The following USP3 variants were observed in gnomAD, a reference collection of about 807,000 sequenced individuals.
USP3 encodes the protein ubiquitin carboxyl-terminal hydrolase 3.
In USP3, 20 loss-of-function variants were observed where a neutral mutation model predicts 72.3. The ratio of observed to expected loss-of-function variants is 0.28; its 90% CI spans 0.19 to 0.40. The LOEUF is 0.40. USP3 is among the 10% of genes least tolerant of loss of function. The pLI, the probability that USP3 is intolerant of heterozygous loss-of-function variation, is 1.00. For missense variants in USP3, 479 were observed against 633.9 expected (o/e 0.76, Z 2.62); for synonymous variants, 222 against 225.3 (o/e 0.99, Z 0.13).
chr15:63,538,198 C>T (rs955950685), intron 3 of USP3, among the ~76,000 whole-genome samples: 7 of 152,104 alleles, frequency 4.6e-5, no homozygotes, highest in Non-Finnish European at 1.0e-4. Context: ...GCAGTTTTAA[C>T]TTTGGTGTGA....
At chr15:63,575,515 T>C (rs1237538518) in intron 11 of USP3, among the ~76,000 whole-genome samples, 4 of 152,154 alleles carry the variant, frequency 2.6e-5, no homozygotes, top group Non-Finnish European at 5.9e-5. Context: ...TCAGATGATA[T>C]GTGGGATGAC....
At chr15:63,527,655 CTTTTG>C (rs2066004190) in intron 1 of USP3, among the ~76,000 whole-genome samples, 1 of 152,284 alleles carries the variant, frequency 6.6e-6, no homozygotes, top group Admixed American at 6.5e-5. Context: ...TGTGGATGTG[CTTTTG>C]TTTTAAGAAC....
At chr15:63,557,781 A>G (rs1309595255) in intron 5 of USP3, among the ~76,000 whole-genome samples, 1 of 152,236 alleles carries the variant, frequency 6.6e-6, no homozygotes, top group Non-Finnish European at 1.5e-5. Context: ...AATCTTAAAA[A>G]GGCATTAAGT....
chr15:63,558,524 A>AT (rs2066549338), intron 6 of USP3, among the ~76,000 whole-genome samples: 1 of 151,990 alleles, frequency 6.6e-6, no homozygotes, highest in African/African-American at 2.4e-5. Flanking sequence ...ACATTTTAGT[A>AT]TTTCAGGCTA....
Position 63,593,374 on chromosome 15 carries a change from A to C in USP3, c.*2548A>C, listed in dbSNP as rs2067238570. On this transcript the variant is annotated 3_prime_UTR_variant, in exon 15 of 15. Transcript: ENST00000380324. ...CCGGGCTCTTTTGCTTAGAAGGTAG[A>C]CAGCTGTAACCTCTAACATTGATAC... 1 of 152,198 alleles carries C rather than the reference A, an allele frequency of 6.6e-6. No homozygotes were observed. The highest frequency in any genetic ancestry group is 1.5e-5 in the Non-Finnish European group (1 of 68,040). The allele number at this position is 152,198 out of a possible 1,614,324, so 9.4% of individuals were successfully genotyped here. A position where few individuals can be genotyped will look rare whatever the true frequency, so the allele number is the denominator to read the frequency against.
intron 1 of USP3, among the ~76,000 whole-genome samples, chr15:63,531,318 GA>G (rs1429244480): frequency 6.6e-6 from 1 of 152,042 alleles, no homozygotes; most frequent in Non-Finnish European, 1.5e-5. Context: ...AGACAGTGAA[GA>G]AAAAAACATT....
At chr15:63,542,133 C>T (rs1424086013) in intron 3 of USP3, 4 of 984,770 alleles carry the variant, frequency 4.1e-6, no homozygotes, top group Non-Finnish European at 4.8e-6. Flanking sequence ...ACTTGAGTAA[C>T]TTCAATAGCA....
intron 3 of USP3, among the ~76,000 whole-genome samples, chr15:63,549,850 T>G (rs1026828631): frequency 6.6e-6 from 1 of 152,230 alleles, no homozygotes; most frequent in African/African-American, 2.4e-5. Context: ...TGAGAAAATC[T>G]GAATTAGAGT....
Position 63,583,044 on chromosome 15 carries a change from CTGAA to C in USP3, c.1097-5257_1097-5254del, listed in dbSNP as rs200456393. Among the ~76,000 whole-genome samples the C allele has an allele frequency of 8.5e-3, 1,299 of 152,258 alleles. 8 individuals are homozygous for C. Among genetic ancestry groups the C allele is most frequent in the Non-Finnish European group, 0.013 (895 of 68,030 alleles). ...CACCTGCCAACTCAGTAGTAGCCCT[CTGAA>C]TGACCCCATGCTTCCACACACGGGG... On this transcript the variant is annotated intron_variant, in intron 11 of 14. Transcript: ENST00000380324.
chr15:63,574,245 T>C lies in USP3; in HGVS notation c.1016-78T>C. The C allele has an allele frequency of 7.0e-7, 1 of 1,428,996 alleles. No homozygotes were observed. Among genetic ancestry groups the C allele is most frequent in the Non-Finnish European group, 9.4e-7 (1 of 1,068,916 alleles). The allele number at this position is 1,428,996 out of a possible 1,614,324, so 88.5% of individuals were successfully genotyped here. A position where few individuals can be genotyped will look rare whatever the true frequency, so the allele number is the denominator to read the frequency against. On this transcript the variant is annotated intron_variant, in intron 10 of 14. Coordinates refer to ENST00000380324, the MANE Select transcript of USP3 (RefSeq NM_006537.4). The surrounding 1 kb of genome is among the most constrained non-coding windows in gnomAD (Gnocchi z 4.6). ...ATAAGTGTAAAGAGAAATCTAGAAA[T>C]ACATCAGTTTGTGAAATTATTTTGA...
chr15:63,519,841 ACTTAT>A (rs545219379), intron 1 of USP3, among the ~76,000 whole-genome samples: 7 of 152,010 alleles, frequency 4.6e-5, no homozygotes, highest in South Asian at 4.1e-4. Flanking sequence ...TAATTTGCTT[ACTTAT>A]CTTAATAAGC....
intron 8 of USP3, among the ~76,000 whole-genome samples, chr15:63,567,367 G>T: frequency 7.8e-6 from 1 of 128,090 alleles, no homozygotes. Flanking sequence ...TTTTTTTTGA[G>T]ACGGAGTCTC....
intron 1 of USP3, among the ~76,000 whole-genome samples, chr15:63,527,142 C>T (rs972092701): frequency 2.1e-4 from 32 of 152,192 alleles, no homozygotes; most frequent in African/African-American, 7.7e-4. Context: ...AGCAATCCTC[C>T]CACCTTGGCC....
At chr15:63,505,867 A>G (rs2065706437) in intron 1 of USP3, among the ~76,000 whole-genome samples, 1 of 152,220 alleles carries the variant, frequency 6.6e-6, no homozygotes, top group Admixed American at 6.5e-5. Flanking sequence ...GAAGAAATAT[A>G]GAAAAACGGC....
In USP3 at chr15:63,544,785, A is replaced by G. The variant is rs2066296245; in HGVS notation, c.284+7629A>G. The stretch of plus-strand genomic sequence containing the variant: ...CTTAACTCTAAAACTAGAGCAGGTA[A>G]CACTGAAGTGAAAGGGAAGATTGGG... On this transcript the variant is annotated intron_variant, in intron 3 of 14. Transcript: ENST00000380324. This position sits in a 1 kb window ranked among gnomAD's most constrained non-coding sequence, Gnocchi z 4.2. 4 of 698,224 alleles carry G rather than the reference A, an allele frequency of 5.7e-6. No individual in the cohort carries two copies. Among genetic ancestry groups the G allele is most frequent in the Admixed American group, 4.1e-5 (2 of 48,790 alleles). The allele number at this position is 698,224 out of a possible 1,614,324, so 43.3% of individuals were successfully genotyped here. A position where few individuals can be genotyped will look rare whatever the true frequency, so the allele number is the denominator to read the frequency against.
At chr15:63,526,443 G>A (rs1642377024) in intron 1 of USP3, among the ~76,000 whole-genome samples, 1 of 152,116 alleles carries the variant, frequency 6.6e-6, no homozygotes, top group African/African-American at 2.4e-5. Context: ...AGATTAATTA[G>A]CACCTGTATA....
chr15:63,562,377 C>T (rs777081220), intron 7 of USP3, among the ~76,000 whole-genome samples: 19 of 152,244 alleles, frequency 1.2e-4, no homozygotes, highest in East Asian at 1.9e-4. Flanking sequence ...CAGAAAATTC[C>T]TGCTGGAAAC....
intron 1 of USP3, among the ~76,000 whole-genome samples, chr15:63,508,572 T>C (rs1195333222): frequency 6.6e-6 from 1 of 152,200 alleles, no homozygotes; most frequent in East Asian, 1.9e-4. Flanking sequence ...AAGTTTTAAA[T>C]AAAAGGGCAT....
intron 7 of USP3, among the ~76,000 whole-genome samples, chr15:63,560,454 C>A (rs1245250446): frequency 6.6e-6 from 1 of 151,282 alleles, no homozygotes; most frequent in East Asian, 1.9e-4. Context: ...CCTTTATTTA[C>A]CGTAACAGGA....
Sources: allele counts gnomAD v4.1 joint callset (sites outside exome capture counted in the v4.1 genomes callset), GRCh38; gene constraint gnomAD v4.1.1; non-coding constraint Gnocchi (gnomAD v3.1); transcripts MANE v1.5; gene names NCBI Gene and HGNC (gene_info 2026-07-23, HGNC 2026-07-21).